The following CNTN5 variants were observed in gnomAD, a reference collection of about 807,000 sequenced individuals.
CNTN5 encodes the protein contactin-5.
Under a neutral mutation model 129.1 loss-of-function variants are expected in CNTN5, and 77 were observed. The observed-to-expected ratio is 0.60, with a 90% CI of 0.50 to 0.72. The LOEUF (loss-of-function observed/expected upper bound fraction) is 0.72. Ranked by LOEUF, CNTN5 falls within the 30% of genes least tolerant of loss-of-function variation. The pLI is 0.00. For synonymous variants in CNTN5, 509 were observed against 465.6 expected (o/e 1.09, Z -1.20); for missense variants, 1,478 against 1,328.8 (o/e 1.11, Z -1.75).
intron 3 of CNTN5, among the ~76,000 whole-genome samples, chr11:99,755,913 A>C (rs1282041209): frequency 6.6e-6 from 1 of 152,118 alleles, no homozygotes; most frequent in Non-Finnish European, 1.5e-5. Context: ...CTCATTTAGA[A>C]ATATTCAATA....
chr11:99,567,683 T>C (rs1949050661), intron 3 of CNTN5, among the ~76,000 whole-genome samples: 1 of 152,174 alleles, frequency 6.6e-6, no homozygotes, highest in African/African-American at 2.4e-5. Flanking sequence ...GGATTATGGC[T>C]CCTCCATGAT....
chr11:100,344,394 A>G (rs1242429245), intron 23 of CNTN5, among the ~76,000 whole-genome samples: 2 of 152,174 alleles, frequency 1.3e-5, no homozygotes, highest in Non-Finnish European at 2.9e-5. Context: ...TCTTTTGTAT[A>G]GTTAAGCTGC....
chr11:99,039,697 G>C (rs1360602970), intron 1 of CNTN5, among the ~76,000 whole-genome samples: 2 of 152,134 alleles, frequency 1.3e-5, no homozygotes, highest in Non-Finnish European at 2.9e-5. Flanking sequence ...GGGAAAGAAT[G>C]AATGTGTGTG....
chr11:99,569,348 C>G (rs925700731), intron 3 of CNTN5, among the ~76,000 whole-genome samples: 1 of 152,084 alleles, frequency 6.6e-6, no homozygotes, highest in Admixed American at 6.5e-5. Flanking sequence ...GAGTCTCGCT[C>G]TGGCGCCCAG....
chr11:99,711,499 T>C (rs186154605), intron 3 of CNTN5, among the ~76,000 whole-genome samples: 1 of 152,140 alleles, frequency 6.6e-6, no homozygotes, highest in East Asian at 1.9e-4. Context: ...TTTTTTATTA[T>C]ACTTTAAGTT....
chr11:99,650,512 A>AT (rs1315175894), intron 3 of CNTN5, among the ~76,000 whole-genome samples: 2 of 151,914 alleles, frequency 1.3e-5, no homozygotes, highest in South Asian at 2.1e-4. Flanking sequence ...AACATTACTG[A>AT]TTTTTTTTAA....
At chr11:99,773,735 CTGAG>C (rs1335844457) in intron 3 of CNTN5, among the ~76,000 whole-genome samples, 2 of 151,990 alleles carry the variant, frequency 1.3e-5, no homozygotes, top group African/African-American at 4.8e-5. Flanking sequence ...AAGTTGCTAT[CTGAG>C]TATGATTTTC....
At chr11:99,935,712 CT>C (rs145910281) in intron 7 of CNTN5, among the ~76,000 whole-genome samples, 178 of 152,158 alleles carry the variant, frequency 1.2e-3, no homozygotes, top group African/African-American at 3.9e-3. Context: ...GTCAAACTGT[CT>C]TTCAAAAAGA....
At chr11:99,070,522 T>A (rs148399208) in intron 1 of CNTN5, among the ~76,000 whole-genome samples, 12 of 126,864 alleles carry the variant, frequency 9.5e-5, no homozygotes, top group Non-Finnish European at 1.8e-4. Flanking sequence ...TCCATATGCA[T>A]GCAGATAAAA....
chr11:99,251,280 T>G (rs1203284789), intron 1 of CNTN5, among the ~76,000 whole-genome samples: 2 of 151,972 alleles, frequency 1.3e-5, no homozygotes, highest in African/African-American at 4.8e-5. Flanking sequence ...AGAGAAGAGA[T>G]GTGATCTTTA....
chr11:100,185,928 T>C (rs531061491), intron 13 of CNTN5, among the ~76,000 whole-genome samples: 21 of 152,266 alleles, frequency 1.4e-4, no homozygotes, highest in African/African-American at 4.8e-4. Flanking sequence ...TTTCTGTTGT[T>C]AAACAACGTA....
chr11:99,157,293 T>A (rs1212308286), intron 1 of CNTN5, among the ~76,000 whole-genome samples: 3 of 152,216 alleles, frequency 2.0e-5, no homozygotes, highest in East Asian at 1.9e-4. Flanking sequence ...ATAAATCATT[T>A]TTATTCTAGT....
intron 9 of CNTN5, among the ~76,000 whole-genome samples, chr11:100,037,697 G>A (rs991400493): frequency 1.3e-5 from 2 of 152,174 alleles, no homozygotes; most frequent in African/African-American, 2.4e-5. Context: ...TTAGTCTTGG[G>A]AGGATGTATG....
At chr11:100,313,166 C>T (rs1261086514) in intron 21 of CNTN5, among the ~76,000 whole-genome samples, 4 of 151,480 alleles carry the variant, frequency 2.6e-5, no homozygotes, top group East Asian at 1.9e-4. Flanking sequence ...TCACAATGTC[C>T]GATTTATGTT....
chr11:99,392,339 A>G (rs1941307505), intron 2 of CNTN5, among the ~76,000 whole-genome samples: 1 of 151,846 alleles, frequency 6.6e-6, no homozygotes, highest in Non-Finnish European at 1.5e-5. Flanking sequence ...AATAGGAGGG[A>G]GAAAAATACC....
At position 100,081,041 on chromosome 11, in the gene CNTN5, T is replaced by G. The variant is rs182195441; in HGVS notation, c.1580+6747T>G. On this transcript the variant is annotated intron_variant, in intron 13 of 24. Coordinates refer to ENST00000524871, the MANE Select transcript of CNTN5 (RefSeq NM_014361.4). ...GGGATGAGAAGGAAATGGCCTTACA[T>G]TCATTATGATGAGATTAAGATACTG... Among the ~76,000 whole-genome samples the G allele has an allele frequency of 2.7e-3, 404 of 152,228 alleles. 1 individual carries two copies. Among genetic ancestry groups the G allele is most frequent in the African/African-American group, 9.0e-3 (374 of 41,560 alleles).
intron 1 of CNTN5, among the ~76,000 whole-genome samples, chr11:99,070,210 C>A (rs1416602333): frequency 6.6e-6 from 1 of 152,174 alleles, no homozygotes. Context: ...TCTGACTATT[C>A]TGCTTTACTG....
intron 13 of CNTN5, among the ~76,000 whole-genome samples, chr11:100,087,816 T>C (rs944702311): frequency 3.9e-5 from 6 of 151,964 alleles, no homozygotes; most frequent in Non-Finnish European, 4.4e-5. Context: ...CCACACAATA[T>C]ACATTCTTGT....
intron 1 of CNTN5, among the ~76,000 whole-genome samples, chr11:99,115,787 T>A (rs1321735710): frequency 5.3e-5 from 8 of 151,494 alleles, no homozygotes; most frequent in African/African-American, 1.9e-4. Context: ...ACAAAAAAGA[T>A]AAAATACCAG....
Sources: gnomAD v4.1 joint callset for allele counts (sites outside exome capture counted in the v4.1 genomes callset) on GRCh38, gnomAD v4.1.1 for gene constraint, MANE v1.5 for transcripts, NCBI Gene and HGNC (gene_info 2026-07-23, HGNC 2026-07-21) for gene names.